NPLOC4: variants seen among roughly 807,000 people sequenced by gnomAD.
The protein encoded by NPLOC4 is nuclear protein localization protein 4 homolog.
NPLOC4 carries 18 observed loss-of-function variants against 80.6 expected under a neutral mutation model. The ratio of observed to expected loss-of-function variants is 0.22; its 90% CI spans 0.15 to 0.33. The LOEUF is 0.33. Ranked by LOEUF, NPLOC4 falls within the 10% of genes least tolerant of loss-of-function variation. The pLI, the probability that NPLOC4 is intolerant of heterozygous loss-of-function variation, is 1.00. For missense variants in NPLOC4, 540 were observed against 786.1 expected, an observed-to-expected ratio of 0.69 and a Z score of 3.74; for synonymous variants, 313 against 301.5, an observed-to-expected ratio of 1.04 and a Z score of -0.39.
rs946984799 is a variant in NPLOC4 at position 81,569,838 on chromosome 17, G to C, written c.1354-727C>G. On this transcript the variant is annotated intron_variant, in intron 13 of 16. Transcript: ENST00000331134. Reference sequence around the variant, plus strand: ...TAAGATATAATCAATAGATGCTACAGGGACAGTGGTAAATGTGCAAGAATC... The same window carrying C: ...TAAGATATAATCAATAGATGCTACACGGACAGTGGTAAATGTGCAAGAATC... Among the ~76,000 whole-genome samples, 4 of 152,300 alleles carry C rather than the reference G, an allele frequency of 2.6e-5. No homozygotes were observed. In the Middle Eastern group the frequency reaches 0.01, roughly 389 times the overall value.
intron 11 of NPLOC4, among the ~76,000 whole-genome samples, chr17:81,590,522 T>C (rs1019652840): frequency 7.2e-5 from 11 of 152,188 alleles, no homozygotes; most frequent in East Asian, 1.9e-4. Context: ...TATTTATTTA[T>C]TGTTTTAGAA....
chr17:81,615,192 C>T (rs538129796), intron 3 of NPLOC4, among the ~76,000 whole-genome samples: 3 of 149,644 alleles, frequency 2.0e-5, no homozygotes, highest in South Asian at 2.1e-4. Flanking sequence ...CTGCATCTCA[C>T]GGGTTTAAGC....
At chr17:81,613,118 A>G in intron 4 of NPLOC4, 200 bp downstream of exon 4, 1 of 497,102 alleles carries the variant, frequency 2.0e-6, no homozygotes, top group East Asian at 3.7e-5. Flanking sequence ...GTGGAAACTG[A>G]TAAAAAGCTA....
intron 11 of NPLOC4, among the ~76,000 whole-genome samples, chr17:81,591,966 CT>C (rs1428942361): frequency 3.3e-5 from 5 of 152,208 alleles, no homozygotes; most frequent in African/African-American, 4.8e-5. Flanking sequence ...AAGTTCTACA[CT>C]GCACTGTCCT....
At position 81,608,720 on chromosome 17, in the gene NPLOC4, T is replaced by G. The variant is rs1185073365; in HGVS notation, c.530+8A>C. On this transcript the variant is annotated splice_region_variant and intron_variant, in intron 6 of 16. Transcript: ENST00000331134. ...TTACGCACAACCAGGTTACAGCAAG[T>G]TGCTTACTTGTCAGCCCCTCCAGTC... The G allele has an allele frequency of 5.1e-6, 8 of 1,572,996 alleles. No individual in the cohort carries two copies. The highest frequency in any genetic ancestry group is 1.2e-5 in the South Asian group (1 of 85,496).
intron 1 of NPLOC4, among the ~76,000 whole-genome samples, chr17:81,634,982 G>A (rs138955126): frequency 7.9e-4 from 120 of 152,190 alleles, no homozygotes; most frequent in African/African-American, 2.8e-3. Flanking sequence ...AGGATCCCTC[G>A]AGCTCAGAGA....
At chr17:81,590,908 C>T (rs1305060624) in intron 11 of NPLOC4, among the ~76,000 whole-genome samples, 3 of 152,160 alleles carry the variant, frequency 2.0e-5, no homozygotes, top group Non-Finnish European at 4.4e-5. Flanking sequence ...GCTCCAAAGG[C>T]ACAGTTCACC....
intron 3 of NPLOC4, among the ~76,000 whole-genome samples, chr17:81,621,905 A>G (rs1186591652): frequency 6.6e-6 from 1 of 152,226 alleles, no homozygotes; most frequent in East Asian, 1.9e-4. Context: ...CACGCCGTAC[A>G]TGGACAAAGA....
intron 2 of NPLOC4, among the ~76,000 whole-genome samples, chr17:81,628,521 AG>A (rs2035856587): frequency 6.6e-6 from 1 of 152,106 alleles, no homozygotes; most frequent in Non-Finnish European, 1.5e-5. Context: ...TCAAAAAAAA[AG>A]AAAATAACCC....
chr17:81,618,527 AG>A (rs1417159264), intron 3 of NPLOC4, among the ~76,000 whole-genome samples: 1 of 132,348 alleles, frequency 7.6e-6, no homozygotes, highest in Admixed American at 7.6e-5. Context: ...CCCGTCCGGG[AG>A]GGAGGTGAGG....
At chr17:81,627,301 GA>G (rs1438021750) in intron 2 of NPLOC4, among the ~76,000 whole-genome samples, 8 of 147,604 alleles carry the variant, frequency 5.4e-5, no homozygotes, top group African/African-American at 2.0e-4. Context: ...CTGAGGCAGG[GA>G]AATGGCATGA....
rs753957548 is a variant in NPLOC4, at chr17:81,600,467, G to A, written c.835-40C>T. The stretch of plus-strand genomic sequence containing the variant: ...AGGGAGAAGATGGACTTAGAGCAGA[G>A]GGCTCAGGAAGCAGCACCCCAAGCC... On this transcript the variant is annotated intron_variant, in intron 8 of 16. Transcript: ENST00000331134. 8 of 1,528,358 alleles carry A rather than the reference G, an allele frequency of 5.2e-6. No homozygotes were observed. The African/African-American group carries it at 5.5e-5, about 10-fold the overall frequency. 94.7% of individuals were successfully genotyped at this position (1,528,358 alleles called of 1,614,324 possible).
In NPLOC4 at chr17:81,610,155, T is replaced by C. The variant is rs2035304467; in HGVS notation, c.435+55A>G. ...ACTCAGGGCAAGCACTTAAGACAGCTGTCTACCCGCAGCCCCCCACACTGG... is the reference window on the plus strand; with the variant it reads ...ACTCAGGGCAAGCACTTAAGACAGCCGTCTACCCGCAGCCCCCCACACTGG... On this transcript the variant is annotated intron_variant, in intron 5 of 16. Transcript: ENST00000331134. 6.0e-6 allele frequency: 9 copies of C among 1,502,874 alleles called. No homozygotes were observed. The South Asian group carries it at 8.4e-5, about 14-fold the overall frequency. The allele number at this position is 1,502,874 out of a possible 1,614,324, so 93.1% of individuals were successfully genotyped here.
chr17:81,596,042 A>G lies in NPLOC4; in HGVS notation c.1120+74T>C. 2.7e-6 allele frequency: 4 copies of G among 1,471,950 alleles called. No homozygotes were observed. In the South Asian group the frequency reaches 5.0e-5, roughly 18 times the overall value. 91.2% of individuals were successfully genotyped at this position (1,471,950 alleles called of 1,614,324 possible). On this transcript the variant is annotated intron_variant, in intron 11 of 16. Coordinates refer to ENST00000331134, the MANE Select transcript of NPLOC4 (RefSeq NM_017921.4). Reference sequence around the variant, plus strand: ...TCCAGTATAACTAAGTTAAGGATAAAAAGCTACCAAAAAGAGGAACAAAAT... The same window carrying G: ...TCCAGTATAACTAAGTTAAGGATAAGAAGCTACCAAAAAGAGGAACAAAAT...
intron 12 of NPLOC4, among the ~76,000 whole-genome samples, chr17:81,587,723 G>T: frequency 7.1e-6 from 1 of 140,064 alleles, no homozygotes; most frequent in South Asian, 2.3e-4. Context: ...CCCCAGGCTG[G>T]AGTGCAGTGG....
intron 12 of NPLOC4, among the ~76,000 whole-genome samples, chr17:81,573,146 T>C (rs1329164951): frequency 3.3e-5 from 5 of 152,186 alleles, no homozygotes; most frequent in Non-Finnish European, 7.3e-5. Flanking sequence ...GGGGATCACA[T>C]TTTCTATCTA....
intron 8 of NPLOC4, among the ~76,000 whole-genome samples, chr17:81,600,640 C>T (rs1056605056): frequency 2.0e-5 from 3 of 152,176 alleles, no homozygotes; most frequent in African/African-American, 7.2e-5. Flanking sequence ...GGCTGCAAAA[C>T]ATGTGGCATG....
chr17:81,595,277 T>C (rs2034868473), intron 11 of NPLOC4, among the ~76,000 whole-genome samples: 1 of 151,176 alleles, frequency 6.6e-6, no homozygotes, highest in African/African-American at 2.4e-5. Context: ...CTACTAAAAA[T>C]ACAAAAATTA....
Position 81,580,060 on chromosome 17 carries a change from T to TGCCC in NPLOC4, c.1282-7976_1282-7973dup, listed in dbSNP as rs1283249178. ...CCTGCCTTCCAGGGCGCTATGCTCC[T>TGCCC]GCCCCTCCTCCCCAGCTCCTGCCTC... On this transcript the variant is annotated intron_variant, in intron 12 of 16. Transcript: ENST00000331134. This position sits in a 1 kb window ranked among gnomAD's most constrained non-coding sequence, Gnocchi z 4.4. 6.6e-6 allele frequency among the ~76,000 whole-genome samples: 1 copy of TGCCC among 152,138 alleles called. No homozygotes were observed.
Sources: allele counts gnomAD v4.1 joint callset (sites outside exome capture counted in the v4.1 genomes callset), GRCh38; gene constraint gnomAD v4.1.1; non-coding constraint Gnocchi (gnomAD v3.1); transcripts MANE v1.5; gene names NCBI Gene and HGNC (gene_info 2026-07-23, HGNC 2026-07-21).